MOB3B: variants seen among roughly 807,000 people sequenced by gnomAD.
MOB3B encodes the protein MOB kinase activator-like 2B.
Under a neutral mutation model 18.7 loss-of-function variants are expected in MOB3B, and 7 were observed. The observed-to-expected ratio is 0.37, with a 90% CI of 0.21 to 0.70. The LOEUF is 0.70. MOB3B is among the 30% of genes least tolerant of loss of function. The pLI is 0.52. For synonymous variants in MOB3B, 111 were observed against 99.9 expected, an observed-to-expected ratio of 1.11 and a Z score of -0.66; for missense variants, 253 against 281.3, an observed-to-expected ratio of 0.90 and a Z score of 0.72.
intron 2 of MOB3B, among the ~76,000 whole-genome samples, chr9:27,378,065 C>T (rs1821518007): frequency 6.6e-6 from 1 of 152,198 alleles, no homozygotes; most frequent in Non-Finnish European, 1.5e-5. Context: ...TTCCTGCAAT[C>T]TATGAGGTAT....
intron 1 of MOB3B, among the ~76,000 whole-genome samples, chr9:27,471,958 C>T (rs772866320): frequency 5.3e-5 from 8 of 152,138 alleles, no homozygotes; most frequent in South Asian, 2.1e-4. Context: ...AGAATCATCC[C>T]GAGTCCAAGG....
intron 2 of MOB3B, among the ~76,000 whole-genome samples, chr9:27,387,036 A>G (rs57215156): frequency 0.016 from 2,393 of 152,306 alleles, 59 homozygotes; most frequent in East Asian, 0.12. Context: ...TCTGCGTACC[A>G]AAATAAAAGT....
At chr9:27,523,464 CAAAA>C (rs55637136) in intron 1 of MOB3B, among the ~76,000 whole-genome samples, 1 of 141,680 alleles carries the variant, frequency 7.1e-6, no homozygotes. Flanking sequence ...TAAACTGCAC[CAAAA>C]AAAAAAAAGA....
chr9:27,338,645 C>T (rs1382210448), intron 3 of MOB3B, among the ~76,000 whole-genome samples: 1 of 152,216 alleles, frequency 6.6e-6, no homozygotes, highest in Non-Finnish European at 1.5e-5. Context: ...AAAGCGGGAA[C>T]CGTAGAAGGT....
intron 2 of MOB3B, among the ~76,000 whole-genome samples, chr9:27,380,361 C>T (rs1383957335): frequency 6.6e-6 from 1 of 151,502 alleles, no homozygotes; most frequent in Non-Finnish European, 1.5e-5. Context: ...GCCTCAGCCT[C>T]CCGAGTAGCT....
At chr9:27,468,176 A>T (rs967046872) in intron 1 of MOB3B, among the ~76,000 whole-genome samples, 1 of 152,212 alleles carries the variant, frequency 6.6e-6, no homozygotes, top group Non-Finnish European at 1.5e-5. Flanking sequence ...AAGAAAGAAA[A>T]CCTAGTCATA....
chr9:27,517,931 A>G (rs1262442410), intron 1 of MOB3B, among the ~76,000 whole-genome samples: 8 of 152,036 alleles, frequency 5.3e-5, no homozygotes, highest in African/African-American at 1.9e-4. Context: ...ACCTGCGGGG[A>G]GGGATGTTGG....
intron 3 of MOB3B, among the ~76,000 whole-genome samples, chr9:27,357,148 G>GTTTT (rs55829817): frequency 7.2e-5 from 5 of 69,210 alleles, no homozygotes; most frequent in African/African-American, 2.6e-4. Flanking sequence ...ATATATATGT[G>GTTTT]TTTTTTTTTT....
In MOB3B at chr9:27,470,075, T is replaced by C. The variant is rs538657072; in HGVS notation, c.-198-14327A>G. Among the ~76,000 whole-genome samples the C allele has an allele frequency of 2.8e-3, 394 of 140,154 alleles. 1 individual carries two copies. Among genetic ancestry groups the C allele is most frequent in the African/African-American group, 8.6e-3 (326 of 37,724 alleles). The allele number at this position is 140,154 out of a possible 152,430, so 91.9% of individuals were successfully genotyped here. A position where few individuals can be genotyped will look rare whatever the true frequency, so the allele number is the denominator to read the frequency against. On this transcript the variant is annotated intron_variant, in intron 1 of 3. Coordinates refer to ENST00000262244, the MANE Select transcript of MOB3B (RefSeq NM_024761.5). ...AATGAACTATAATCATGTCACTGCA[T>C]TCCAGCATGGGCACAGAGTGAGACC...
intron 2 of MOB3B, among the ~76,000 whole-genome samples, chr9:27,426,848 C>T (rs908429884): frequency 1.8e-4 from 27 of 152,182 alleles, no homozygotes; most frequent in Non-Finnish European, 3.7e-4. Context: ...CCTCCACCCC[C>T]ATGTGCTTAA....
chr9:27,494,633 G>A (rs1190117418), intron 1 of MOB3B, among the ~76,000 whole-genome samples: 1 of 152,142 alleles, frequency 6.6e-6, no homozygotes, highest in Non-Finnish European at 1.5e-5. Context: ...TTCTGCCTCA[G>A]CCTCCTGAGT....
chr9:27,478,821 A>ACC (rs1819601720), intron 1 of MOB3B, among the ~76,000 whole-genome samples: 1 of 150,756 alleles, frequency 6.6e-6, no homozygotes, highest in African/African-American at 2.4e-5. Context: ...ACACACACAC[A>ACC]CACACACACA....
intron 2 of MOB3B, among the ~76,000 whole-genome samples, chr9:27,444,666 G>T (rs1248270639): frequency 1.3e-5 from 2 of 152,158 alleles, no homozygotes; most frequent in East Asian, 3.9e-4. Flanking sequence ...AAAAAACTCT[G>T]TAGCTTTGTA....
intron 2 of MOB3B, among the ~76,000 whole-genome samples, chr9:27,398,646 T>C (rs143515487): frequency 6.6e-6 from 1 of 152,322 alleles, no homozygotes; most frequent in African/African-American, 2.4e-5. Flanking sequence ...GCAGTGCATG[T>C]ACCACCTACC....
At chr9:27,439,910 G>C (rs1822568062) in intron 2 of MOB3B, among the ~76,000 whole-genome samples, 1 of 152,092 alleles carries the variant, frequency 6.6e-6, no homozygotes, top group Non-Finnish European at 1.5e-5. Flanking sequence ...CAGGCAAAAG[G>C]CTGTTTTGCC....
At chr9:27,523,901 C>T (rs1056744125) in intron 1 of MOB3B, among the ~76,000 whole-genome samples, 14 of 151,978 alleles carry the variant, frequency 9.2e-5, no homozygotes, top group African/African-American at 3.1e-4. Context: ...GCACCAGGTA[C>T]AAAAAATATA....
intron 2 of MOB3B, among the ~76,000 whole-genome samples, chr9:27,417,687 C>G (rs1017972260): frequency 6.6e-6 from 1 of 152,142 alleles, no homozygotes; most frequent in Non-Finnish European, 1.5e-5. Flanking sequence ...AAAAAACCAC[C>G]GTTTATTGAG....
At chr9:27,423,665 T>C (rs530968619) in intron 2 of MOB3B, among the ~76,000 whole-genome samples, 5 of 152,352 alleles carry the variant, frequency 3.3e-5, no homozygotes, top group South Asian at 2.1e-4. Flanking sequence ...ACTGGTTTAG[T>C]ATCTGTCTTC....
intron 1 of MOB3B, among the ~76,000 whole-genome samples, chr9:27,489,958 G>A (rs971441330): frequency 1.3e-5 from 2 of 152,000 alleles, no homozygotes; most frequent in Non-Finnish European, 2.9e-5. Flanking sequence ...TTAAGGTGGT[G>A]AAACAAGATA....
Sources: allele counts gnomAD v4.1 joint callset (sites outside exome capture counted in the v4.1 genomes callset), GRCh38; gene constraint gnomAD v4.1.1; transcripts MANE v1.5; gene names NCBI Gene and HGNC (gene_info 2026-07-23, HGNC 2026-07-21).